The following TMTC1 variants were observed in gnomAD, a reference collection of about 807,000 sequenced individuals.
TMTC1 encodes transmembrane O-mannosyltransferase targeting cadherins 1.
TMTC1 carries 73 observed loss-of-function variants against 104.8 expected under a neutral mutation model. The observed-to-expected ratio is 0.70, with a 90% CI of 0.58 to 0.85. The LOEUF is 0.85. Ranked by LOEUF, TMTC1 falls within the 40% of genes least tolerant of loss-of-function variation. The pLI is 0.00. For synonymous variants in TMTC1, 434 were observed against 428.7 expected (o/e 1.01, Z -0.15); for missense variants, 1,035 against 1,096.1 (o/e 0.94, Z 0.79).
chr12:29,546,680 C>T (rs1426149760), intron 10 of TMTC1, among the ~76,000 whole-genome samples: 1 of 151,998 alleles, frequency 6.6e-6, no homozygotes, highest in Non-Finnish European at 1.5e-5. Context: ...CACTTGGTAC[C>T]CTAAAGTAAG....
At chr12:29,779,290 T>C (rs1943780693) in intron 1 of TMTC1, among the ~76,000 whole-genome samples, 1 of 152,238 alleles carries the variant, frequency 6.6e-6, no homozygotes, top group Admixed American at 6.5e-5. Flanking sequence ...TGCAGAAATT[T>C]TTCTTATGGT....
chr12:29,691,268 G>A (rs1255155641), intron 5 of TMTC1, among the ~76,000 whole-genome samples: 3 of 152,000 alleles, frequency 2.0e-5, no homozygotes, highest in Admixed American at 2.0e-4. Context: ...CAGCAATCTG[G>A]CTCAACCAGT....
chr12:29,709,103 G>C (rs1296233034), intron 5 of TMTC1, among the ~76,000 whole-genome samples: 1 of 152,044 alleles, frequency 6.6e-6, no homozygotes, highest in Non-Finnish European at 1.5e-5. Context: ...CTATATATCA[G>C]AAAACAAAAT....
At position 29,728,324 on chromosome 12, in the gene TMTC1, GGGA is replaced by G. The variant is rs1296072299; in HGVS notation, c.938+23339_938+23341del. ...AGCTGTGATCTGAATTCAGAACGTGGGGAGGAGGAGGCCACGCAAACCAGCTTC... is the reference window on the plus strand; with the variant it reads ...AGCTGTGATCTGAATTCAGAACGTGGGGAGGAGGCCACGCAAACCAGCTTC... On this transcript the variant is annotated intron_variant, in intron 5 of 17. Transcript: ENST00000539277. Among the ~76,000 whole-genome samples, 10 of 152,188 alleles carry G rather than the reference GGGA, an allele frequency of 6.6e-5. No homozygotes were observed. The East Asian group carries it at 1.7e-3, about 27-fold the overall frequency.
chr12:29,751,611 C>T (rs543150277), intron 5 of TMTC1, 55 bp downstream of exon 5: 42 of 1,586,910 alleles, frequency 2.6e-5, no homozygotes, highest in Non-Finnish European at 3.5e-5. Flanking sequence ...CCAGGCTGCA[C>T]TAGGTGATGC....
intron 3 of TMTC1, 27 bp downstream of exon 3, chr12:29,758,677 G>C: frequency 1.2e-6 from 2 of 1,609,024 alleles, no homozygotes; most frequent in Non-Finnish European, 1.7e-6. Context: ...TGCGATCACA[G>C]AGAAGGGCAT....
chr12:29,710,916 A>AATATATTAATAATATATAAAT (rs1941899457), intron 5 of TMTC1, among the ~76,000 whole-genome samples: 3 of 52,300 alleles, frequency 5.7e-5, no homozygotes, highest in African/African-American at 1.7e-4. Context: ...ATAATATATA[A>AATATATTAATAATATATAAAT]ATATATATAA....
At chr12:29,709,343 A>C (rs752421073) in intron 5 of TMTC1, among the ~76,000 whole-genome samples, 11 of 152,212 alleles carry the variant, frequency 7.2e-5, no homozygotes, top group Non-Finnish European at 1.5e-4. Flanking sequence ...AAAAATTTTA[A>C]CAACAACTTC....
intron 5 of TMTC1, among the ~76,000 whole-genome samples, chr12:29,699,803 C>T (rs1229519066): frequency 6.6e-6 from 1 of 151,746 alleles, no homozygotes; most frequent in African/African-American, 2.4e-5. Context: ...ACAAGCCCAG[C>T]TAATTTTTTA....
At chr12:29,518,719 C>T (rs1944061856) in intron 12 of TMTC1, 112 bp from the exon 13 acceptor site, 5 of 1,304,078 alleles carry the variant, frequency 3.8e-6, no homozygotes, top group Non-Finnish European at 5.2e-6. Flanking sequence ...AGAGTTATAC[C>T]AAAATTATTC....
intron 5 of TMTC1, among the ~76,000 whole-genome samples, chr12:29,675,629 CA>C (rs372043387): frequency 1.6e-3 from 126 of 80,248 alleles, no homozygotes; most frequent in East Asian, 1.8e-3. Context: ...CACACACACA[CA>C]CCCTCCATGA....
At chr12:29,537,596 T>C (rs1206985830) in intron 10 of TMTC1, among the ~76,000 whole-genome samples, 1 of 152,196 alleles carries the variant, frequency 6.6e-6, no homozygotes, top group Non-Finnish European at 1.5e-5. Context: ...CTGTGAGAAA[T>C]GCACAATATC....
chr12:29,660,829 T>C (rs199896871), intron 5 of TMTC1: 9 of 1,493,470 alleles, frequency 6.0e-6, no homozygotes, highest in Non-Finnish European at 7.1e-6. Flanking sequence ...AATGGCCCTT[T>C]TTAAAAATGG....
intron 10 of TMTC1, among the ~76,000 whole-genome samples, chr12:29,537,132 T>C (rs1290860554): frequency 6.6e-6 from 1 of 152,192 alleles, no homozygotes; most frequent in Non-Finnish European, 1.5e-5. Flanking sequence ...TTAATACAAT[T>C]CCACAGACAC....
At chr12:29,644,296 T>C (rs1222878477) in intron 5 of TMTC1, among the ~76,000 whole-genome samples, 3 of 151,342 alleles carry the variant, frequency 2.0e-5, no homozygotes, top group African/African-American at 7.3e-5. Context: ...CTCACCGATA[T>C]GCGGGAGCTA....
At chr12:29,574,780 C>T (rs1010632415) in intron 8 of TMTC1, among the ~76,000 whole-genome samples, 4 of 152,222 alleles carry the variant, frequency 2.6e-5, no homozygotes, top group African/African-American at 9.7e-5. Context: ...CACTTCCTCA[C>T]AGGCCCTATA....
intron 3 of TMTC1, 49 bp downstream of exon 3, chr12:29,758,655 A>G (rs1943271191): frequency 4.5e-6 from 7 of 1,563,884 alleles, no homozygotes; most frequent in Non-Finnish European, 5.3e-6. Context: ...CAGTCTACAC[A>G]CACGGCACAG....
At chr12:29,746,581 T>A (rs955549227) in intron 5 of TMTC1, among the ~76,000 whole-genome samples, 1 of 152,168 alleles carries the variant, frequency 6.6e-6, no homozygotes, top group African/African-American at 2.4e-5. Flanking sequence ...CGATGAAAGG[T>A]CTACAGCAAT....
intron 12 of TMTC1, 55 bp downstream of exon 12, chr12:29,520,563 T>C (rs1267997930): frequency 6.9e-7 from 1 of 1,446,136 alleles, no homozygotes; most frequent in Non-Finnish European, 9.6e-7. Flanking sequence ...CCATTTTGCT[T>C]GATAAATTGT....
Sources: gnomAD v4.1 joint callset for allele counts (sites outside exome capture counted in the v4.1 genomes callset) on GRCh38, gnomAD v4.1.1 for gene constraint, MANE v1.5 for transcripts, NCBI Gene and HGNC (gene_info 2026-07-23, HGNC 2026-07-21) for gene names.